ADAMTS5: variants seen among roughly 807,000 people sequenced by gnomAD.
ADAMTS5 encodes A disintegrin and metalloproteinase with thrombospondin motifs 5.
ADAMTS5 carries 54 observed loss-of-function variants against 81.4 expected under a neutral mutation model. That is an observed-to-expected ratio of 0.66 (90% CI 0.53 to 0.83). ADAMTS5 has a LOEUF of 0.83. Among genes scored for constraint, ADAMTS5 ranks in the 40% least tolerant of loss-of-function variants. The probability of loss-of-function intolerance (pLI) is 0.00; values close to 1 mark genes in which losing one functional copy is unlikely to be tolerated. For missense variants in ADAMTS5, 1,194 were observed against 1,229.9 expected (o/e 0.97, Z 0.44); for synonymous variants, 532 against 508.8 (o/e 1.05, Z -0.61).
At chr21:26,926,919 G>T (rs1406971837) in intron 7 of ADAMTS5, among the ~76,000 whole-genome samples, 1 of 152,148 alleles carries the variant, frequency 6.6e-6, no homozygotes, top group African/African-American at 2.4e-5. Context: ...ATGAGAATTA[G>T]TATGATGGTC....
chr21:26,928,022 C>T (rs1280227902), intron 7 of ADAMTS5, among the ~76,000 whole-genome samples: 1 of 151,410 alleles, frequency 6.6e-6, no homozygotes, highest in African/African-American at 2.4e-5. Flanking sequence ...GAGGGAGGAG[C>T]GAGTTAAGAT....
chr21:26,933,020 A>G lies in ADAMTS5; in HGVS notation c.1714T>C (p.Ser572Pro), dbSNP rs1240635780. 1 of 1,613,302 alleles carries G rather than the reference A, an allele frequency of 6.2e-7. No homozygotes were observed. Among genetic ancestry groups the G allele is most frequent in the African/African-American group, 1.3e-5 (1 of 74,842 alleles). Residue 572 changes from serine to proline, a missense_variant, in exon 5 of 8, where the codon TCT becomes CCT. Ser to Pro is a moderately conservative substitution (Grantham distance 74, BLOSUM62 -1). Transcript: ENST00000284987. Reference protein sequence around the residue: ...YSTSSHGNWGSWGSWGQCSRS... With the variant: ...YSTSSHGNWGPWGSWGQCSRS... The stretch of plus-strand genomic sequence containing the variant: ...GAACACTGGCCCCAGGATCCCCAAG[A>G]TCCCCAGTTGCCATGGCTTGACGTC...
At chr21:26,954,602 CA>C in intron 2 of ADAMTS5, 136 bp downstream of exon 2, 1 of 1,303,818 alleles carries the variant, frequency 7.7e-7, no homozygotes, top group East Asian at 2.5e-5. Context: ...CTTAAAAGTG[CA>C]GATATAAACA....
chr21:26,932,215 G>T (rs775003032), intron 5 of ADAMTS5, 36 bp from the exon 6 acceptor site: 20 of 1,580,710 alleles, frequency 1.3e-5, no homozygotes, highest in Admixed American at 3.6e-5. Flanking sequence ...TACCTTATCA[G>T]TTCTGAAACT....
chr21:26,934,427 T>G, intron 4 of ADAMTS5, 39 bp downstream of exon 4: 1 of 1,608,782 alleles, frequency 6.2e-7, no homozygotes, highest in Non-Finnish European at 8.5e-7. Flanking sequence ...ACTTCACTTC[T>G]TGGGCCTCCA....
chr21:26,932,902 G>A lies in ADAMTS5; in HGVS notation c.1832C>T (p.Ala611Val). Residue 611 changes from alanine (A) to valine (V), a missense_variant, in exon 5 of 8, where the codon GCC (alanine) becomes GTC (valine). Around this residue, in one of 2 missense-constraint regions of ADAMTS5, gnomAD observed 696 missense variants for 817.6 expected, o/e 0.85. Coordinates refer to ENST00000284987, the MANE Select transcript of ADAMTS5 (RefSeq NM_007038.5). ...CATGAGACTGCAGGAGCGGTAGATG[G>A]CCCTCTTCCCTGTGCAGTAGCGTCC... is the stretch of plus-strand genomic sequence containing the variant. ...NNGRYCTGKR[A>V]IYRSCSLMPC... is the part of the protein sequence containing the mutation. 2 of 1,613,702 alleles carry A rather than the reference G, an allele frequency of 1.2e-6. No homozygotes were observed. Among genetic ancestry groups the A allele is most frequent in the Non-Finnish European group, 1.7e-6 (2 of 1,179,900 alleles).
chr21:26,953,813 T>A (rs1022611301), intron 2 of ADAMTS5: 23 of 153,106 alleles, frequency 1.5e-4, no homozygotes, highest in African/African-American at 5.5e-4. Flanking sequence ...ATCTACTATC[T>A]AAACTCTACC....
chr21:26,955,871 C>T (rs1380280076), intron 1 of ADAMTS5, among the ~76,000 whole-genome samples: 1 of 152,120 alleles, frequency 6.6e-6, no homozygotes, highest in African/African-American at 2.4e-5. Context: ...AAGTTAGGAA[C>T]TCTAAAAGGA....
intron 3 of ADAMTS5, among the ~76,000 whole-genome samples, chr21:26,938,158 C>T (rs375045345): frequency 5.7e-4 from 87 of 151,834 alleles, no homozygotes; most frequent in African/African-American, 1.8e-3. Context: ...GCAGGAGAAT[C>T]GCTTGAACCT....
chr21:26,959,056 C>T (rs1987478855), intron 1 of ADAMTS5, among the ~76,000 whole-genome samples: 2 of 152,168 alleles, frequency 1.3e-5, no homozygotes, highest in African/African-American at 4.8e-5. Context: ...AGAGTCTGGG[C>T]CCAGAGTTCC....
At chr21:26,960,989 G>A (rs540367569) in intron 1 of ADAMTS5, among the ~76,000 whole-genome samples, 4 of 152,304 alleles carry the variant, frequency 2.6e-5, no homozygotes, top group African/African-American at 9.6e-5. Flanking sequence ...ATGCTGTGCA[G>A]CAATGACCAT....
At chr21:26,938,729 C>T (rs760790865) in intron 3 of ADAMTS5, among the ~76,000 whole-genome samples, 36 of 152,112 alleles carry the variant, frequency 2.4e-4, no homozygotes, top group Non-Finnish European at 4.3e-4. Flanking sequence ...TATGTTTCGC[C>T]GTGTTGGCCA....
chr21:26,945,893 A>T (rs1386088045), intron 2 of ADAMTS5, among the ~76,000 whole-genome samples: 1 of 152,198 alleles, frequency 6.6e-6, no homozygotes, highest in Admixed American at 6.5e-5. Flanking sequence ...AGGGGATGTG[A>T]CTTTTGTAAG....
intron 1 of ADAMTS5, 109 bp downstream of exon 1, chr21:26,965,168 GCAGTTAAACAC>G (rs1250861102): frequency 7.2e-7 from 1 of 1,379,542 alleles, no homozygotes; most frequent in Non-Finnish European, 9.8e-7. Flanking sequence ...CCTGCAAGAA[GCAGTTAAACAC>G]ATCCACAGCT....
chr21:26,951,778 C>T (rs1358981727), intron 2 of ADAMTS5, among the ~76,000 whole-genome samples: 2 of 147,524 alleles, frequency 1.4e-5, no homozygotes, highest in South Asian at 2.1e-4. Context: ...GCATGGTTAG[C>T]TCAGACTGAG....
rs1555850419 is a variant in ADAMTS5 at position 26,954,787 on chromosome 21, T to A, written c.1189A>T (p.Ile397Phe). The change falls in exon 2 of 8, where the codon ATT (isoleucine) becomes TTT (phenylalanine). Residue 397 changes from isoleucine (I) to phenylalanine (F), a missense_variant. Physicochemically the swap from Ile to Phe is conservative, Grantham distance 21. Transcript: ENST00000284987. ...ICSPERSCAVIEDDGLHAAFT... is the reference protein window; with the variant it reads ...ICSPERSCAVFEDDGLHAAFT... The stretch of plus-strand genomic sequence containing the variant: ...GCTGCGTGGAGGCCATCGTCTTCAA[T>A]CACAGCACAGCTGCGCTCTGGAGAA... 1.1e-5 allele frequency: 17 copies of A among 1,614,114 alleles called. No homozygotes were observed. Among genetic ancestry groups the A allele is most frequent in the Non-Finnish European group, 1.4e-5 (17 of 1,179,998 alleles).
At chr21:26,932,811 A>G in intron 5 of ADAMTS5, 50 bp downstream of exon 5, 1 of 1,544,164 alleles carries the variant, frequency 6.5e-7, no homozygotes, top group Non-Finnish European at 8.7e-7. Context: ...TTGCTAGAAT[A>G]CAAATGACAT....
At chr21:26,965,148 G>A (rs1987612529) in intron 1 of ADAMTS5, 140 bp downstream of exon 1, 1 of 1,295,606 alleles carries the variant, frequency 7.7e-7, no homozygotes, top group South Asian at 1.5e-5. Flanking sequence ...GTTGAAGGCT[G>A]GTTGGATTTC....
intron 7 of ADAMTS5, among the ~76,000 whole-genome samples, chr21:26,929,137 T>C (rs1206144054): frequency 6.6e-6 from 1 of 152,222 alleles, no homozygotes; most frequent in Non-Finnish European, 1.5e-5. Context: ...TTAATTTCGT[T>C]TGCATATTAC....
Sources: gnomAD v4.1 joint callset for allele counts (sites outside exome capture counted in the v4.1 genomes callset) on GRCh38, gnomAD v4.1.1 for gene constraint, gnomAD v4.1.1 regional missense constraint, MANE v1.5 for transcripts, NCBI Gene and HGNC (gene_info 2026-07-23, HGNC 2026-07-21) for gene names.